DDB1: variants seen among roughly 807,000 people sequenced by gnomAD.
The protein encoded by DDB1 is damage specific DNA binding protein 1, also known as DNA damage-binding protein 1.
Under a neutral mutation model 133.1 loss-of-function variants are expected in DDB1, and 18 were observed. The ratio of observed to expected loss-of-function variants is 0.14; its 90% confidence interval spans 0.09 to 0.20. DDB1 has a LOEUF of 0.20. Ranked by LOEUF, DDB1 falls within the 10% of genes least tolerant of loss-of-function variation. The probability of loss-of-function intolerance (pLI) is 1.00; values close to 1 mark genes in which losing one functional copy is unlikely to be tolerated. For synonymous variants in DDB1, 580 were observed against 550.5 expected (o/e 1.05, Z -0.75); for missense variants, 828 against 1,459.2 (o/e 0.57, Z 7.05).
At position 61,311,822 on chromosome 11, in the gene DDB1, C is replaced by T. The variant is rs1378547011; in HGVS notation, c.2239G>A (p.Gly747Arg). Residue 747 changes from glycine to arginine, a missense_variant, in exon 18 of 27, where the codon GGG becomes AGG. Physicochemically the swap from Gly to Arg is moderately radical, Grantham distance 125. Around this residue, in one of 7 missense-constraint regions of DDB1, gnomAD observed 396 missense variants for 554.1 expected, o/e 0.71. Transcript: ENST00000301764. ...CTGGGCCTCAAGGCTGTCGTGCCCC[C>T]ACTCGTGTCTTGGACTTCAATGCGG... is the stretch of plus-strand genomic sequence containing the variant. ...SSRIEVQDTS[G>R]GTTALRPSAS... 6.2e-7 allele frequency: 1 copy of T among 1,614,008 alleles called. No homozygotes were observed.
At chr11:61,324,802 A>G (rs1214474844) in intron 6 of DDB1, among the ~76,000 whole-genome samples, 1 of 152,224 alleles carries the variant, frequency 6.6e-6, no homozygotes, top group Non-Finnish European at 1.5e-5. Flanking sequence ...ATAATTTATC[A>G]ATATATTACT....
intron 21 of DDB1, 48 bp downstream of exon 21, chr11:61,308,935 G>A: frequency 6.3e-7 from 1 of 1,577,896 alleles, no homozygotes. Context: ...ACATTCTGCA[G>A]ACAATGATGG....
chr11:61,322,558 A>G, intron 8 of DDB1, 146 bp from the exon 9 acceptor site: 1 of 664,822 alleles, frequency 1.5e-6, no homozygotes, highest in East Asian at 2.7e-5. Flanking sequence ...CCAGAAGGGG[A>G]CTATTGACGA....
At chr11:61,313,343 T>G (rs187378602) in intron 16 of DDB1, among the ~76,000 whole-genome samples, 156 bp downstream of exon 16, 2 of 152,312 alleles carry the variant, frequency 1.3e-5, no homozygotes, top group Admixed American at 6.5e-5. Flanking sequence ...TCCCAAGTGT[T>G]TCTATTGGGT....
chr11:61,326,942 G>C, intron 4 of DDB1, 49 bp from the exon 5 acceptor site: 1 of 1,418,578 alleles, frequency 7.0e-7, no homozygotes, highest in Non-Finnish European at 1.0e-6. Flanking sequence ...GTGAGCCTTG[G>C]GCTAGAGAGA....
intron 10 of DDB1, among the ~76,000 whole-genome samples, chr11:61,317,362 T>C (rs1020965005): frequency 1.3e-5 from 2 of 151,918 alleles, no homozygotes; most frequent in African/African-American, 4.8e-5. Flanking sequence ...ATCCGCCACC[T>C]TGGCCTCCCA....
At chr11:61,329,217 A>G (rs1856321411) in intron 4 of DDB1, 146 bp downstream of exon 4, 10 of 741,702 alleles carry the variant, frequency 1.3e-5, no homozygotes, top group Admixed American at 4.4e-5. Flanking sequence ...AGTCTGACCC[A>G]TATTAATTGT....
chr11:61,304,145 G>A (rs988285719), intron 21 of DDB1, 110 bp from the exon 22 acceptor site: 18 of 1,234,774 alleles, frequency 1.5e-5, no homozygotes, highest in East Asian at 4.7e-5. Context: ...AGTGCAATGC[G>A]GGACAGGAAA....
At chr11:61,322,721 A>G in intron 8 of DDB1, 3 of 540,664 alleles carry the variant, frequency 5.5e-6, no homozygotes, top group Non-Finnish European at 9.9e-6. Context: ...AAGTTTTCAT[A>G]TTCTAGAAGA....
At chr11:61,330,528 G>C (rs569711180) in intron 2 of DDB1, among the ~76,000 whole-genome samples, 12 of 152,232 alleles carry the variant, frequency 7.9e-5, no homozygotes, top group Admixed American at 7.8e-4. Context: ...TTGTTCAAAG[G>C]GTTATAATTA....
intron 16 of DDB1, among the ~76,000 whole-genome samples, chr11:61,312,819 G>C (rs1168111882): frequency 6.6e-6 from 1 of 151,590 alleles, no homozygotes; most frequent in Admixed American, 6.6e-5. Context: ...GACTGGTCTC[G>C]AGCTCCTGAC....
In DDB1 at chr11:61,333,066, C is replaced by G; in HGVS notation, c.-98G>C. 1 of 1,164,254 alleles carries G rather than the reference C, an allele frequency of 8.6e-7. No individual in the cohort carries two copies. Among genetic ancestry groups the G allele is most frequent in the Non-Finnish European group, 1.2e-6 (1 of 861,218 alleles). 72.1% of individuals were successfully genotyped at this position (1,164,254 alleles called of 1,614,324 possible). On this transcript the variant is annotated 5_prime_UTR_variant, in exon 1 of 27. Transcript: ENST00000301764. ...GGCCCCCAACAGCGCGCAGCGAACT[C>G]CACTGCCGCTGCCTCCGCCCCAGAG...
intron 6 of DDB1, 106 bp from the exon 7 acceptor site, chr11:61,324,243 G>A (rs1853636981): frequency 2.5e-6 from 3 of 1,215,896 alleles, no homozygotes; most frequent in Non-Finnish European, 3.6e-6. Flanking sequence ...TTTACCAGCA[G>A]ACAAATCGCT....
chr11:61,302,825 G>A (rs1855822846), intron 23 of DDB1, 74 bp from the exon 24 acceptor site: 3 of 1,572,000 alleles, frequency 1.9e-6, no homozygotes, highest in African/African-American at 1.4e-5. Flanking sequence ...ACCACGTGCA[G>A]TGGTCACGGT....
Position 61,316,630 on chromosome 11 carries a change from G to T in DDB1, c.1226-63C>A. 1.9e-6 allele frequency: 3 copies of T among 1,551,812 alleles called. No individual in the cohort carries two copies. In the South Asian group the frequency reaches 3.3e-5, roughly 17 times the overall value. ...ACCAACACTTAGCATGCATATCTAC[G>T]GACAGGGCAGGCCAGGGGCAGTGGC... On this transcript the variant is annotated intron_variant, in intron 10 of 26. Coordinates refer to ENST00000301764, the MANE Select transcript of DDB1 (RefSeq NM_001923.5).
Position 61,302,723 on chromosome 11 carries a change from G to A in DDB1, c.2971C>T (p.His991Tyr). Residue 991 changes from histidine (H) to tyrosine (Y), a missense_variant, in exon 24 of 27, where the codon CAC (histidine) becomes TAC (tyrosine). His to Tyr is a moderately conservative substitution (Grantham distance 83). Coordinates refer to ENST00000301764, the MANE Select transcript of DDB1 (RefSeq NM_001923.5). ...SAATTDEERQ[H>Y]LQEVGLFHLG... Reference sequence around the variant, plus strand: ...TGGAAAAGACCAACCTCCTGGAGGTGCTGCCGCTCCTCGTCAGTGGTGGCA... The same window carrying A: ...TGGAAAAGACCAACCTCCTGGAGGTACTGCCGCTCCTCGTCAGTGGTGGCA... 5.0e-6 allele frequency: 8 copies of A among 1,613,900 alleles called. No homozygotes were observed. Among genetic ancestry groups the A allele is most frequent in the Non-Finnish European group, 6.8e-6 (8 of 1,179,964 alleles).
In DDB1 at chr11:61,332,918, G is replaced by A; in HGVS notation, c.51C>T (p.Gly17=). ...VTAQKPTAVN[G]CVTGHFTSAE... The stretch of plus-strand genomic sequence containing the variant: ...CCCCGGCAGCCTCACCGGTCACGCA[G>A]CCGTTCACGGCGGTGGGCTTCTGGG... Residue 17 remains glycine (G), a synonymous_variant, in exon 1 of 27, where the codon GGC becomes GGT. Transcript: ENST00000301764. The A allele has an allele frequency of 3.3e-6, 5 of 1,498,282 alleles. No individual in the cohort carries two copies. The highest frequency in any genetic ancestry group is 4.5e-6 in the Non-Finnish European group (5 of 1,115,676). 92.8% of individuals were successfully genotyped at this position (1,498,282 alleles called of 1,614,324 possible).
chr11:61,329,870 G>A lies in DDB1; in HGVS notation c.327+88C>T, dbSNP rs925731902. On this transcript the variant is annotated intron_variant, in intron 3 of 26. Transcript: ENST00000301764. ...TTCTCCTTATTTCTCTGATCGAATA[G>A]AGAGCTGCCCCCAGCACTTTAATTT... 8.8e-6 allele frequency: 10 copies of A among 1,138,308 alleles called. No homozygotes were observed. In the Admixed American group the frequency reaches 1.8e-4, roughly 21 times the overall value. 70.5% of individuals were successfully genotyped at this position (1,138,308 alleles called of 1,614,324 possible). A position where few individuals can be genotyped will look rare whatever the true frequency, so the allele number is the denominator to read the frequency against.
rs1484027535 is a variant in DDB1 at position 61,329,557 on chromosome 11, C to T, written c.355G>A (p.Gly119Ser). The T allele has an allele frequency of 1.9e-6, 3 of 1,613,650 alleles. No individual in the cohort carries two copies. The highest frequency in any genetic ancestry group is 2.5e-6 in the Non-Finnish European group (3 of 1,179,850). Reference protein sequence around the residue: ...QDRIGRPSETGIIGIIDPECR... With the variant: ...QDRIGRPSETSIIGIIDPECR... ...TCAGGGTCAATGATGCCAATAATGCCGGTCTCTGAGGGGCGGCCAATGCGG... is the reference window on the plus strand; with the variant it reads ...TCAGGGTCAATGATGCCAATAATGCTGGTCTCTGAGGGGCGGCCAATGCGG... Residue 119 changes from glycine (G) to serine (S), a missense_variant, in exon 4 of 27, where the codon GGC becomes AGC. Physicochemically the swap from Gly to Ser is moderately conservative, Grantham distance 56 (BLOSUM62 0). Transcript: ENST00000301764.
Sources: gnomAD v4.1 joint callset for allele counts (sites outside exome capture counted in the v4.1 genomes callset) on GRCh38, gnomAD v4.1.1 for gene constraint, gnomAD v4.1.1 regional missense constraint, MANE v1.5 for transcripts, NCBI Gene and HGNC (gene_info 2026-07-23, HGNC 2026-07-21) for gene names.